MBD3: variants seen among roughly 807,000 people sequenced by gnomAD.
MBD3 encodes the protein methyl-CpG binding domain protein 3, also known as methyl-CpG-binding domain protein 3.
A neutral mutation model predicts 31.2 loss-of-function variants in MBD3; 13 were observed. The observed-to-expected ratio is 0.42, with a 90% CI of 0.27 to 0.66. The LOEUF is 0.66. Among genes scored for constraint, MBD3 ranks in the 30% least tolerant of loss-of-function variants. MBD3 has a pLI of 0.26. For synonymous variants in MBD3, 223 were observed against 187.4 expected, an observed-to-expected ratio of 1.19 and a Z score of -1.55; for missense variants, 440 against 426.5, an observed-to-expected ratio of 1.03 and a Z score of -0.28.
In MBD3 at chr19:1,573,747, C is replaced by T. The variant is rs1178632620; in HGVS notation, c.*4417G>A. 1 of 152,170 alleles carries T rather than the reference C, an allele frequency of 6.6e-6. No individual in the cohort carries two copies. The highest frequency in any genetic ancestry group is 6.6e-5 in the Admixed American group (1 of 15,266). 9.4% of individuals were successfully genotyped at this position (152,170 alleles called of 1,614,324 possible). ...AAAATTAAAACTGTGAAAATTAAAA[C>T]TGAGCAGGGAAGGCAGTTTTGTGGT... On this transcript the variant is annotated 3_prime_UTR_variant, in exon 7 of 7. Coordinates refer to ENST00000434436, the MANE Select transcript of MBD3 (RefSeq NM_001281453.2).
At chr19:1,586,038 G>A (rs574217553) in intron 1 of MBD3, 2 of 152,346 alleles carry the variant, frequency 1.3e-5, no homozygotes, top group South Asian at 2.1e-4. Flanking sequence ...AGGATGACAA[G>A]CACCCAACCC....
chr19:1,575,109 G>A lies in MBD3; in HGVS notation c.*3055C>T. 3 of 394,658 alleles carry A rather than the reference G, an allele frequency of 7.6e-6. No individual in the cohort carries two copies. The highest frequency in any genetic ancestry group is 3.6e-5 in the South Asian group (2 of 55,258). The allele number at this position is 394,658 out of a possible 1,614,324, so 24.4% of individuals were successfully genotyped here. A position where few individuals can be genotyped will look rare whatever the true frequency, so the allele number is the denominator to read the frequency against. On this transcript the variant is annotated 3_prime_UTR_variant, in exon 7 of 7. Coordinates refer to ENST00000434436, the MANE Select transcript of MBD3 (RefSeq NM_001281453.2). ...GAGCTTGGTCTGAGGGGAGGCGGGGGACACGTGAGGCTCTTGCTGCTGCTG... is the reference window on the plus strand; with the variant it reads ...GAGCTTGGTCTGAGGGGAGGCGGGGAACACGTGAGGCTCTTGCTGCTGCTG...
intron 3 of MBD3, among the ~76,000 whole-genome samples, chr19:1,583,095 T>A (rs570436636): frequency 1.3e-5 from 2 of 151,634 alleles, no homozygotes; most frequent in African/African-American, 4.8e-5. Context: ...TCCCAGCTAC[T>A]TGGGAGGCTG....
Position 1,578,202 on chromosome 19 carries a change from G to C in MBD3, c.*6-44C>G. The stretch of plus-strand genomic sequence containing the variant: ...GCTGGCTTTAGCGACTCCACGGGAC[G>C]GGGACGCTTGGGCTCTTCTAGGGAG... On this transcript the variant is annotated intron_variant, in intron 6 of 6. Transcript: ENST00000434436. This position sits in a 1 kb window ranked among gnomAD's most constrained non-coding sequence, Gnocchi z 6.1. The C allele has an allele frequency of 7.2e-7, 1 of 1,391,538 alleles. No homozygotes were observed. Among genetic ancestry groups the C allele is most frequent in the Non-Finnish European group, 9.9e-7 (1 of 1,011,192 alleles). The allele number at this position is 1,391,538 out of a possible 1,614,324, so 86.2% of individuals were successfully genotyped here. A position where few individuals can be genotyped will look rare whatever the true frequency, so the allele number is the denominator to read the frequency against.
At position 1,574,830 on chromosome 19, in the gene MBD3, C is replaced by CG. The variant is rs2145584830; in HGVS notation, c.*3333dup. 5.2e-6 allele frequency: 1 copy of CG among 191,028 alleles called. No individual in the cohort carries two copies. Among genetic ancestry groups the CG allele is most frequent in the South Asian group, 7.2e-5 (1 of 13,830 alleles). The allele number at this position is 191,028 out of a possible 1,614,324, so 11.8% of individuals were successfully genotyped here. A position where few individuals can be genotyped will look rare whatever the true frequency, so the allele number is the denominator to read the frequency against. On this transcript the variant is annotated 3_prime_UTR_variant, in exon 7 of 7. Transcript: ENST00000434436. ...GACACACACAGGCGAGGGGCATCCC[C>CG]GGGGATCTTTGCGGTGGCGAGTGTG...
intron 2 of MBD3, 59 bp downstream of exon 2, chr19:1,584,996 G>T (rs2060671638): frequency 6.3e-7 from 1 of 1,596,174 alleles, no homozygotes. Flanking sequence ...TCACGTCATG[G>T]CCGCGTCCCC....
At chr19:1,588,146 G>A (rs1312820752) in intron 1 of MBD3, among the ~76,000 whole-genome samples, 2 of 152,114 alleles carry the variant, frequency 1.3e-5, no homozygotes, top group African/African-American at 4.8e-5. Flanking sequence ...CCCAACCCCG[G>A]GCAAATTCCA....
rs2060713213 is a variant in MBD3 at position 1,592,831 on chromosome 19, C to G, written c.-200G>C. The G allele has an allele frequency of 6.8e-6, 1 of 146,912 alleles. No homozygotes were observed. The highest frequency in any genetic ancestry group is 6.8e-5 in the Admixed American group (1 of 14,766). 9.1% of individuals were successfully genotyped at this position (146,912 alleles called of 1,614,324 possible). ...CCTTTCGGCCCCCTCCCCGCGCTCG[C>G]CAGCCCCCGCTCGGGGGGCCCGCTC... On this transcript the variant is annotated 5_prime_UTR_variant, in exon 1 of 7. Transcript: ENST00000434436.
At position 1,576,462 on chromosome 19, in the gene MBD3, C is replaced by G. The variant is rs972678394; in HGVS notation, c.*1702G>C. ...ACCCACGATCCCTAGGCTGAGCCAG[C>G]GGCACCTCAGGGGGCACGGCCCTTG... On this transcript the variant is annotated 3_prime_UTR_variant, in exon 7 of 7. Coordinates refer to ENST00000434436, the MANE Select transcript of MBD3 (RefSeq NM_001281453.2). 3 of 152,312 alleles carry G rather than the reference C, an allele frequency of 2.0e-5. No individual in the cohort carries two copies. The highest frequency in any genetic ancestry group is 7.2e-5 in the African/African-American group (3 of 41,450). The allele number at this position is 152,312 out of a possible 1,614,324, so 9.4% of individuals were successfully genotyped here.
At chr19:1,590,990 A>C (rs533064516) in intron 1 of MBD3, among the ~76,000 whole-genome samples, 1 of 152,340 alleles carries the variant, frequency 6.6e-6, no homozygotes, top group South Asian at 2.1e-4. Flanking sequence ...GCCAGGGCCC[A>C]GAGTGGGAAT....
intron 5 of MBD3, among the ~76,000 whole-genome samples, chr19:1,579,453 G>C (rs182201832): frequency 3.9e-5 from 6 of 152,154 alleles, no homozygotes; most frequent in African/African-American, 1.4e-4. Flanking sequence ...TGCCGCCTCC[G>C]GGGCCGCAGC....
At chr19:1,584,816 G>T in intron 2 of MBD3, 139 bp from the exon 3 acceptor site, 1 of 1,016,640 alleles carries the variant, frequency 9.8e-7, no homozygotes, top group South Asian at 1.8e-5. Context: ...CCACGGTCCG[G>T]GGAGGCCGCT....
intron 5 of MBD3, among the ~76,000 whole-genome samples, chr19:1,580,785 G>C (rs1917333740): frequency 1.3e-5 from 2 of 152,208 alleles, no homozygotes; most frequent in Admixed American, 6.5e-5. Context: ...GGCCTGCCCT[G>C]TCCCTCCGTC....
Position 1,577,876 on chromosome 19 carries a change from C to G in MBD3, c.*288G>C, listed in dbSNP as rs1917242279. 5.4e-6 allele frequency: 1 copy of G among 185,234 alleles called. No individual in the cohort carries two copies. Among genetic ancestry groups the G allele is most frequent in the Non-Finnish European group, 1.1e-5 (1 of 87,726 alleles). The allele number at this position is 185,234 out of a possible 1,614,324, so 11.5% of individuals were successfully genotyped here. A position where few individuals can be genotyped will look rare whatever the true frequency, so the allele number is the denominator to read the frequency against. ...GGCATGGGGAGGAGCTGGCCTCGAG[C>G]CCAAAGGTCGTAGGGAGCCAGGCAG... is the stretch of plus-strand genomic sequence containing the variant. On this transcript the variant is annotated 3_prime_UTR_variant, in exon 7 of 7. Transcript: ENST00000434436.
Position 1,586,726 on chromosome 19 carries a change from G to T in MBD3, c.111-1512C>A, listed in dbSNP as rs533464701. Among the ~76,000 whole-genome samples, 18 of 148,768 alleles carry T rather than the reference G, an allele frequency of 1.2e-4. No individual in the cohort carries two copies. In the East Asian group the frequency reaches 3.2e-3, roughly 26 times the overall value. ...CTGTCGCCCAGGCTGGAGTGAAGTG[G>T]CTCGATCTTGGCTCTCTGCAACCTC... On this transcript the variant is annotated intron_variant, in intron 1 of 6. Transcript: ENST00000434436.
chr19:1,582,800 G>A, intron 3 of MBD3, 88 bp from the exon 4 acceptor site: 1 of 1,194,752 alleles, frequency 8.4e-7, no homozygotes, highest in South Asian at 1.3e-5. Context: ...GGCCCACCTG[G>A]CCTCCTTGCC....
At chr19:1,582,819 G>T in intron 3 of MBD3, 107 bp from the exon 4 acceptor site, 1 of 922,424 alleles carries the variant, frequency 1.1e-6, no homozygotes, top group Non-Finnish European at 1.7e-6. Context: ...CCCCATGTGG[G>T]TCCCAATGGG....
chr19:1,579,670 C>T (rs1917303885), intron 5 of MBD3, among the ~76,000 whole-genome samples: 1 of 152,216 alleles, frequency 6.6e-6, no homozygotes, highest in African/African-American at 2.4e-5. Context: ...CCCTGGCTCA[C>T]CTACTCGACT....
intron 1 of MBD3, among the ~76,000 whole-genome samples, chr19:1,587,786 ATAT>A (rs1307377796): frequency 6.6e-6 from 1 of 152,190 alleles, no homozygotes; most frequent in Non-Finnish European, 1.5e-5. Context: ...TACCTCAAAC[ATAT>A]TATGTCTACA....
Sources: gnomAD v4.1 joint callset for allele counts (sites outside exome capture counted in the v4.1 genomes callset) on GRCh38, gnomAD v4.1.1 for gene constraint, Gnocchi (gnomAD v3.1) non-coding constraint, MANE v1.5 for transcripts, NCBI Gene and HGNC (gene_info 2026-07-23, HGNC 2026-07-21) for gene names.